Variants in TYW1B observed in about 807,000 individuals in gnomAD.
The protein encoded by TYW1B is tRNA-yW synthesizing protein 1 homolog B.
In TYW1B, 73 loss-of-function variants were observed where a neutral mutation model predicts 86.9. The observed-to-expected ratio is 0.84, with a 90% CI of 0.70 to 1.02. TYW1B has a LOEUF of 1.02. TYW1B is among the 50% of genes least tolerant of loss of function. The probability of loss-of-function intolerance (pLI) is 0.00; values close to 1 mark genes in which losing one functional copy is unlikely to be tolerated. For synonymous variants in TYW1B, 248 were observed against 292.8 expected (o/e 0.85, Z 1.56); for missense variants, 637 against 827.4 (o/e 0.77, Z 2.82).
chr7:72,783,383 C>CAAAAA (rs35804694), intron 6 of TYW1B, among the ~76,000 whole-genome samples: 2 of 113,510 alleles, frequency 1.8e-5, no homozygotes, highest in Non-Finnish European at 3.5e-5. Flanking sequence ...GACTTCATCT[C>CAAAAA]AAAAAAAAAA....
At chr7:72,708,032 C>A (rs549803251) in intron 10 of TYW1B, among the ~76,000 whole-genome samples, 1 of 152,308 alleles carries the variant, frequency 6.6e-6, no homozygotes, top group East Asian at 1.9e-4. Flanking sequence ...GCCTCCCCTG[C>A]CGTGCTTCCT....
chr7:72,713,709 G>A lies in TYW1B; in HGVS notation c.1282C>T (p.Pro428Ser). 1 of 1,613,538 alleles carries A rather than the reference G, an allele frequency of 6.2e-7. No homozygotes were observed. Among genetic ancestry groups the A allele is most frequent in the Non-Finnish European group, 8.5e-7 (1 of 1,179,896 alleles). The change falls in exon 10 of 14, where the codon CCA becomes TCA. Residue 428 changes from proline to serine, a missense_variant. Physicochemically the swap from Pro to Ser is moderately conservative, Grantham distance 74. Transcript: ENST00000620995. ...AGCTTCAAAAACCTGTTGATCTCTGGGTACATTATTGGTTCTCCCACGAGG... is the reference window on the plus strand; with the variant it reads ...AGCTTCAAAAACCTGTTGATCTCTGAGTACATTATTGGTTCTCCCACGAGG... ...LSLVGEPIMY[P>S]EINRFLKLLH... is the part of the protein sequence containing the mutation.
intron 11 of TYW1B, among the ~76,000 whole-genome samples, chr7:72,676,933 G>C (rs1813748700): frequency 6.6e-6 from 1 of 152,034 alleles, no homozygotes; most frequent in Non-Finnish European, 1.5e-5. Flanking sequence ...ACTCCAGCCT[G>C]GGTGACAGAG....
At chr7:72,645,956 T>C (rs1447882454) in intron 11 of TYW1B, among the ~76,000 whole-genome samples, 13 of 148,312 alleles carry the variant, frequency 8.8e-5, no homozygotes, top group Admixed American at 8.1e-4. Flanking sequence ...ATGTATTATA[T>C]ATAATTATAT....
intron 11 of TYW1B, among the ~76,000 whole-genome samples, chr7:72,629,514 A>C (rs544369015): frequency 1.8e-3 from 271 of 152,270 alleles, no homozygotes; most frequent in African/African-American, 6.3e-3. Context: ...TTTGTGTGCC[A>C]CATAACCACA....
At chr7:72,642,883 A>T (rs1812836035) in intron 11 of TYW1B, among the ~76,000 whole-genome samples, 1 of 152,248 alleles carries the variant, frequency 6.6e-6, no homozygotes, top group Non-Finnish European at 1.5e-5. Context: ...CCTGGGGAAT[A>T]GAGCGAGACT....
At position 72,815,418 on chromosome 7, in the gene TYW1B, G is replaced by C. The variant is rs1554479229; in HGVS notation, c.199C>G (p.Leu67Val). 1.2e-6 allele frequency: 2 copies of C among 1,609,502 alleles called. No homozygotes were observed. Among genetic ancestry groups the C allele is most frequent in the East Asian group, 2.2e-5 (1 of 44,722 alleles). The change falls in exon 3 of 14, where the codon CTA (leucine) becomes GTA (valine). Residue 67 changes from leucine (L) to valine (V), a missense_variant. By Grantham distance (32) the Leu-to-Val change is conservative (BLOSUM62 1). Coordinates refer to ENST00000620995, the MANE Select transcript of TYW1B (RefSeq NM_001145440.3). Reference protein sequence around the residue: ...SLDLPVAIINLKEYDPDDHLI... With the variant: ...SLDLPVAIINVKEYDPDDHLI... ...TGATCATCTGGATCATATTCTTTTA[G>C]ATTAATAATGGCCACAGGCAGATCC... is the stretch of plus-strand genomic sequence containing the variant.
At chr7:72,740,532 C>A (rs1585945581) in intron 8 of TYW1B, among the ~76,000 whole-genome samples, 1 of 134,350 alleles carries the variant, frequency 7.4e-6, no homozygotes, top group South Asian at 2.7e-4. Context: ...AAATCTCTGT[C>A]AAATCATTAG....
chr7:72,604,443 C>A (rs1585840996), intron 13 of TYW1B, among the ~76,000 whole-genome samples: 1 of 151,992 alleles, frequency 6.6e-6, no homozygotes, highest in Admixed American at 6.6e-5. Context: ...ATCTGGGCGA[C>A]AGAGTGAGAC....
At position 72,757,650 on chromosome 7, in the gene TYW1B, C is replaced by A. The variant is rs1419763472; in HGVS notation, c.965-13049G>T. ...AAGGAAAGTATGAAGTTATCAGAAT[C>A]AATATGGAGTTACTGATGTTAAGAA... On this transcript the variant is annotated intron_variant, in intron 7 of 13. Coordinates refer to ENST00000620995, the MANE Select transcript of TYW1B (RefSeq NM_001145440.3). 2.0e-5 allele frequency among the ~76,000 whole-genome samples: 3 copies of A among 152,086 alleles called. No homozygotes were observed. In the East Asian group the frequency reaches 5.8e-4, roughly 29 times the overall value.
intron 12 of TYW1B, among the ~76,000 whole-genome samples, chr7:72,617,761 C>T (rs1182144596): frequency 6.6e-6 from 1 of 152,152 alleles, no homozygotes; most frequent in African/African-American, 2.4e-5. Flanking sequence ...GTGCATGTAC[C>T]TACATACCTT....
At chr7:72,644,404 T>G (rs1434040230) in intron 11 of TYW1B, among the ~76,000 whole-genome samples, 1 of 151,928 alleles carries the variant, frequency 6.6e-6, no homozygotes, top group East Asian at 1.9e-4. Context: ...AAAAATGAGC[T>G]GGGCGTGGTG....
At chr7:72,813,252 TG>T (rs1788658415) in intron 3 of TYW1B, among the ~76,000 whole-genome samples, 1 of 150,138 alleles carries the variant, frequency 6.7e-6, no homozygotes, top group Non-Finnish European at 1.5e-5. Context: ...CTCGGCTCAC[TG>T]CGACCTCCAC....
At chr7:72,662,420 T>TAG (rs1585884792) in intron 11 of TYW1B, among the ~76,000 whole-genome samples, 8,975 of 31,572 alleles carry the variant, frequency 0.28, 318 homozygotes, top group Middle Eastern at 0.33. Context: ...GTTTTTAATA[T>TAG]ATATATATAG....
chr7:72,605,659 TG>T (rs1811777957), intron 13 of TYW1B, among the ~76,000 whole-genome samples: 1 of 152,152 alleles, frequency 6.6e-6, no homozygotes, highest in African/African-American at 2.4e-5. Flanking sequence ...GCCACATCTC[TG>T]CTTTTCAACA....
chr7:72,776,780 T>G (rs1313821771), intron 7 of TYW1B, among the ~76,000 whole-genome samples: 1 of 151,596 alleles, frequency 6.6e-6, no homozygotes, highest in African/African-American at 2.4e-5. Flanking sequence ...ATTAATATAA[T>G]CTACCCTAAT....
Position 72,777,495 on chromosome 7 carries a change from G to C in TYW1B, c.885C>G (p.Phe295Leu), listed in dbSNP as rs201632568. 88 of 1,613,884 alleles carry C rather than the reference G, an allele frequency of 5.5e-5. No individual in the cohort carries two copies. The highest frequency in any genetic ancestry group is 7.2e-5 in the Non-Finnish European group (85 of 1,179,994). ...CATCTTCATTCCTCCCCATGTTCCTGAACAAACCAGACTTCTCTTCCTGCT... is the reference window on the plus strand; with the variant it reads ...CATCTTCATTCCTCCCCATGTTCCTCAACAAACCAGACTTCTCTTCCTGCT... Reference protein sequence around the residue: ...KEQQEEKSGLFRNMGRNEDGE... With the variant: ...KEQQEEKSGLLRNMGRNEDGE... Residue 295 changes from phenylalanine to leucine, a missense_variant, in exon 7 of 14, where the codon TTC becomes TTG. Phe to Leu is a conservative substitution (Grantham distance 22, BLOSUM62 0). Transcript: ENST00000620995.
intron 10 of TYW1B, among the ~76,000 whole-genome samples, chr7:72,696,872 T>TA (rs1554451597): frequency 5.3e-5 from 8 of 152,154 alleles, no homozygotes; most frequent in Non-Finnish European, 8.8e-5. Context: ...AAGGGGATCC[T>TA]TTGAAGTTCA....
chr7:72,613,401 CTTTTTTTT>C (rs71517349), intron 13 of TYW1B, among the ~76,000 whole-genome samples: 2 of 80,966 alleles, frequency 2.5e-5, no homozygotes, highest in Admixed American at 1.7e-4. Context: ...TTTATATCTT[CTTTTTTTT>C]TTTTTTTTTT....
Sources: gnomAD v4.1 joint callset for allele counts (sites outside exome capture counted in the v4.1 genomes callset) on GRCh38, gnomAD v4.1.1 for gene constraint, MANE v1.5 for transcripts, NCBI Gene and HGNC (gene_info 2026-07-23, HGNC 2026-07-21) for gene names.